RICTOR: variants seen among roughly 807,000 people sequenced by gnomAD.
RICTOR encodes the protein RPTOR independent companion of MTOR complex 2, also known as rapamycin-insensitive companion of mTOR.
A neutral mutation model predicts 214.9 loss-of-function variants in RICTOR; 49 were observed. That is an observed-to-expected ratio of 0.23 (90% CI 0.18 to 0.29). The LOEUF (loss-of-function observed/expected upper bound fraction) is 0.29. Among genes scored for constraint, RICTOR ranks in the 10% least tolerant of loss-of-function variants. The pLI, the probability that RICTOR is intolerant of heterozygous loss-of-function variation, is 1.00. For missense variants in RICTOR, 1,625 were observed against 2,047.0 expected (o/e 0.79, Z 3.98); for synonymous variants, 717 against 711.3 (o/e 1.01, Z -0.13).
chr5:39,017,334 TA>T (rs1366064434), intron 3 of RICTOR, among the ~76,000 whole-genome samples: 1 of 152,102 alleles, frequency 6.6e-6, no homozygotes, highest in Non-Finnish European at 1.5e-5. Flanking sequence ...AATAAAACTA[TA>T]AAATTTAATA....
intron 3 of RICTOR, among the ~76,000 whole-genome samples, chr5:39,008,502 T>C (rs1442047959): frequency 1.3e-5 from 2 of 152,090 alleles, no homozygotes; most frequent in Non-Finnish European, 2.9e-5. Flanking sequence ...GAGCCCACTA[T>C]GAAAAATATT....
chr5:39,016,332 A>G (rs1383023484), intron 3 of RICTOR, among the ~76,000 whole-genome samples: 1 of 143,408 alleles, frequency 7.0e-6, no homozygotes, highest in Non-Finnish European at 1.5e-5. Flanking sequence ...GGAACAGAGA[A>G]GGGGGGAGAG....
chr5:39,067,237 A>G (rs1456170909), intron 2 of RICTOR, among the ~76,000 whole-genome samples: 1 of 152,154 alleles, frequency 6.6e-6, no homozygotes, highest in African/African-American at 2.4e-5. Context: ...TCTGCTCAAG[A>G]TGGAAGGTGA....
chr5:39,044,873 G>A (rs572608466), intron 2 of RICTOR, among the ~76,000 whole-genome samples: 4 of 152,284 alleles, frequency 2.6e-5, no homozygotes, highest in Non-Finnish European at 4.4e-5. Flanking sequence ...CATGTTGCCA[G>A]GTTGCACTTG....
At chr5:38,948,983 T>C (rs1207471308) in intron 31 of RICTOR, among the ~76,000 whole-genome samples, 1 of 152,066 alleles carries the variant, frequency 6.6e-6, no homozygotes, top group Non-Finnish European at 1.5e-5. Flanking sequence ...ACATATATTG[T>C]TGACATATAA....
At chr5:38,960,731 T>C (rs527650078) in intron 19 of RICTOR, among the ~76,000 whole-genome samples, 198 bp from the exon 20 acceptor site, 8 of 91,986 alleles carry the variant, frequency 8.7e-5, no homozygotes, top group Admixed American at 4.1e-4. Context: ...TCACCTTGAA[T>C]TGTAGTTCCC....
intron 7 of RICTOR, 131 bp from the exon 8 acceptor site, chr5:38,982,167 G>A (rs1347916145): frequency 1.6e-6 from 1 of 618,642 alleles, no homozygotes; most frequent in Non-Finnish European, 2.8e-6. Context: ...AGAACAGGTA[G>A]ATAAAAGGAC....
intron 3 of RICTOR, among the ~76,000 whole-genome samples, chr5:39,009,622 C>T (rs926067502): frequency 1.3e-5 from 2 of 151,978 alleles, no homozygotes; most frequent in Non-Finnish European, 2.9e-5. Context: ...TTTAACCATT[C>T]AATAATGGTT....
At position 38,959,898 on chromosome 5, in the gene RICTOR, T is replaced by C. The variant is rs1434958112; in HGVS notation, c.1932A>G (p.Arg644=). ...LNASSGMKPE[R]SLQNNGLLTT... is the part of the protein sequence containing the mutation. Reference sequence around the variant, plus strand: ...TCAATAAACCATTATTTTGAAGACTTCTTTCGGGTTTCATTCCAGATGAAG... The same window carrying C: ...TCAATAAACCATTATTTTGAAGACTCCTTTCGGGTTTCATTCCAGATGAAG... The change falls in exon 21 of 38, where the codon AGA becomes AGG. Residue 644 remains arginine, a synonymous_variant. Transcript: ENST00000357387. 6.2e-7 allele frequency: 1 copy of C among 1,613,016 alleles called. No individual in the cohort carries two copies. The highest frequency in any genetic ancestry group is 1.7e-5 in the Admixed American group (1 of 60,004).
Position 38,947,405 on chromosome 5 carries a change from T to C in RICTOR, c.4173A>G (p.Lys1391=), listed in dbSNP as rs1748328828. Residue 1391 remains lysine, a synonymous_variant, in exon 32 of 38, where the codon AAA becomes AAG. Coordinates refer to ENST00000357387, the MANE Select transcript of RICTOR (RefSeq NM_152756.5). Reference sequence around the variant, plus strand: ...GATTAATAGGACTCAATAAATCTTCTTTATCTAATGATGCATAACTTAAGG... The same window carrying C: ...GATTAATAGGACTCAATAAATCTTCCTTATCTAATGATGCATAACTTAAGG... The part of the protein sequence containing the change: ...MKALSYASLD[K]EDLLSPINQN... 6.8e-6 allele frequency: 11 copies of C among 1,611,740 alleles called. No homozygotes were observed. Among genetic ancestry groups the C allele is most frequent in the Non-Finnish European group, 8.5e-6 (10 of 1,178,128 alleles).
intron 2 of RICTOR, among the ~76,000 whole-genome samples, chr5:39,042,406 G>A (rs775135125): frequency 2.0e-5 from 3 of 152,066 alleles, no homozygotes; most frequent in Non-Finnish European, 4.4e-5. Flanking sequence ...AACCGTATAA[G>A]GTAGGTACTA....
At chr5:39,026,825 T>C (rs949103027) in intron 2 of RICTOR, among the ~76,000 whole-genome samples, 2 of 151,808 alleles carry the variant, frequency 1.3e-5, no homozygotes, top group Non-Finnish European at 2.9e-5. Flanking sequence ...CTGACCAATA[T>C]GGAGAAACCC....
Position 38,943,056 on chromosome 5 carries a change from G to C in RICTOR, c.4914-85C>G, listed in dbSNP as rs114937401. On this transcript the variant is annotated intron_variant, in intron 36 of 37. Transcript: ENST00000357387. ...CAAGGTATCACTTACTTTAAAAATAGATTTCCCTACAGATATGGATTAGAT... is the reference window on the plus strand; with the variant it reads ...CAAGGTATCACTTACTTTAAAAATACATTTCCCTACAGATATGGATTAGAT... 21 of 955,304 alleles carry C rather than the reference G, an allele frequency of 2.2e-5. No individual in the cohort carries two copies. In the African/African-American group the frequency reaches 3.1e-4, roughly 14 times the overall value. 59.2% of individuals were successfully genotyped at this position (955,304 alleles called of 1,614,324 possible). A position where few individuals can be genotyped will look rare whatever the true frequency, so the allele number is the denominator to read the frequency against.
chr5:39,024,583 G>A (rs529847366), intron 2 of RICTOR, among the ~76,000 whole-genome samples: 35 of 152,288 alleles, frequency 2.3e-4, no homozygotes, highest in African/African-American at 8.2e-4. Flanking sequence ...CAAAGTCAGG[G>A]TTGAGGTTCA....
In RICTOR at chr5:38,948,768, A is replaced by G. The variant is rs117801490; in HGVS notation, c.4136+944T>C. On this transcript the variant is annotated intron_variant, in intron 31 of 37. Coordinates refer to ENST00000357387, the MANE Select transcript of RICTOR (RefSeq NM_152756.5). ...CCAGATAGATGAGACATTGCTGCAT[A>G]ATTTCTTAAATCCTGTAAGGGTACA... Among the ~76,000 whole-genome samples the G allele has an allele frequency of 6.9e-3, 1,053 of 152,128 alleles. 52 individuals are homozygous for G. In the East Asian group the frequency reaches 0.12, roughly 17 times the overall value.
At chr5:39,049,932 G>C (rs927755197) in intron 2 of RICTOR, among the ~76,000 whole-genome samples, 3 of 152,036 alleles carry the variant, frequency 2.0e-5, no homozygotes, top group African/African-American at 4.8e-5. Context: ...GTTCATAAAG[G>C]AGGTAACAAG....
At chr5:38,997,386 A>T (rs1490358857) in intron 5 of RICTOR, among the ~76,000 whole-genome samples, 1 of 152,216 alleles carries the variant, frequency 6.6e-6, no homozygotes, top group Non-Finnish European at 1.5e-5. Context: ...AACAAATAGC[A>T]CCAAACTGAC....
intron 6 of RICTOR, 28 bp from the exon 7 acceptor site, chr5:38,991,103 GT>G: frequency 6.5e-7 from 1 of 1,538,112 alleles, no homozygotes; most frequent in Non-Finnish European, 8.9e-7. Context: ...AGAAAAAGAA[GT>G]TACTTTAGTA....
chr5:39,064,189 T>C (rs1302806414), intron 2 of RICTOR, among the ~76,000 whole-genome samples: 1 of 152,220 alleles, frequency 6.6e-6, no homozygotes, highest in Non-Finnish European at 1.5e-5. Context: ...ATTTGTTGTA[T>C]GGATATAATT....
Sources: gnomAD v4.1 joint callset for allele counts (sites outside exome capture counted in the v4.1 genomes callset) on GRCh38, gnomAD v4.1.1 for gene constraint, MANE v1.5 for transcripts, NCBI Gene and HGNC (gene_info 2026-07-23, HGNC 2026-07-21) for gene names.